Variants in LRRK1 observed in about 807,000 individuals in gnomAD.
LRRK1 encodes leucine-rich repeat serine/threonine-protein kinase 1.
LRRK1 carries 113 observed loss-of-function variants against 209.1 expected under a neutral mutation model. The ratio of observed to expected loss-of-function variants is 0.54; its 90% CI spans 0.46 to 0.63. The LOEUF (loss-of-function observed/expected upper bound fraction) is 0.63. LRRK1 is among the 30% of genes least tolerant of loss of function. The pLI, the probability that LRRK1 is intolerant of heterozygous loss-of-function variation, is 0.00. For missense variants in LRRK1, 2,284 were observed against 2,632.2 expected (o/e 0.87, Z 2.89); for synonymous variants, 1,144 against 1,099.7 (o/e 1.04, Z -0.80).
At chr15:101,040,504 TC>T (rs1011952563) in intron 20 of LRRK1, among the ~76,000 whole-genome samples, 2 of 152,158 alleles carry the variant, frequency 1.3e-5, no homozygotes, top group African/African-American at 4.8e-5. Flanking sequence ...CTATTATTTT[TC>T]TCTTTTATTT....
chr15:100,926,680 C>CTTTTTTTTTTTTTTTTTTTTTTTT (rs71151990), intron 2 of LRRK1, among the ~76,000 whole-genome samples: 25 of 81,840 alleles, frequency 3.1e-4, no homozygotes, highest in Non-Finnish European at 4.5e-4. Context: ...TTCTTTTTTT[C>CTTTTTTTTTTTTTTTTTTTTTTTT]TTTTTTTTTT....
At chr15:101,046,799 C>T (rs1333743168) in intron 21 of LRRK1, among the ~76,000 whole-genome samples, 3 of 152,218 alleles carry the variant, frequency 2.0e-5, no homozygotes, top group Non-Finnish European at 4.4e-5. Context: ...CGGGAGACCC[C>T]CCGCCCAAGG....
intron 29 of LRRK1, among the ~76,000 whole-genome samples, chr15:101,060,670 G>A (rs940031166): frequency 6.6e-6 from 1 of 152,274 alleles, no homozygotes; most frequent in African/African-American, 2.4e-5. Flanking sequence ...GCCACAGCCT[G>A]AGGGGAGACA....
chr15:101,061,742 G>A (rs1307079850), intron 30 of LRRK1, among the ~76,000 whole-genome samples: 1 of 152,192 alleles, frequency 6.6e-6, no homozygotes, highest in African/African-American at 2.4e-5. Context: ...TAGGCACAGG[G>A]GCTCACGCCT....
At chr15:101,060,781 C>T (rs1391635315) in intron 29 of LRRK1, among the ~76,000 whole-genome samples, 2 of 152,258 alleles carry the variant, frequency 1.3e-5, no homozygotes, top group Non-Finnish European at 2.9e-5. Flanking sequence ...TGAGTGCCCC[C>T]CCGCCCCAAC....
chr15:100,994,625 C>T (rs1485312296), intron 6 of LRRK1, among the ~76,000 whole-genome samples: 3 of 152,216 alleles, frequency 2.0e-5, no homozygotes, highest in African/African-American at 7.2e-5. Flanking sequence ...GGCAATGGTG[C>T]TTTTCCTCTA....
At chr15:100,941,444 G>GTGCCTGTCTGTGTGCGTCTGTGTC (rs1567191149) in intron 2 of LRRK1, among the ~76,000 whole-genome samples, 1 of 137,278 alleles carries the variant, frequency 7.3e-6, no homozygotes, top group Admixed American at 7.2e-5. Flanking sequence ...GTGTGTGTGT[G>GTGCCTGTCTGTGTGCGTCTGTGTC]TCTGTGTGTG....
At chr15:100,931,633 C>A (rs534943548) in intron 2 of LRRK1, among the ~76,000 whole-genome samples, 2 of 152,164 alleles carry the variant, frequency 1.3e-5, no homozygotes, top group Non-Finnish European at 2.9e-5. Context: ...CCTCGATCTG[C>A]TGGTGGGGCT....
intron 20 of LRRK1, among the ~76,000 whole-genome samples, 157 bp downstream of exon 20, chr15:101,029,389 G>A (rs939671776): frequency 2.0e-5 from 3 of 152,074 alleles, no homozygotes; most frequent in Non-Finnish European, 4.4e-5. Flanking sequence ...CCTGCCTGCC[G>A]GGCCTGGGTC....
At chr15:101,008,054 A>T (rs1054544818) in intron 6 of LRRK1, among the ~76,000 whole-genome samples, 3 of 148,450 alleles carry the variant, frequency 2.0e-5, no homozygotes, top group Non-Finnish European at 4.4e-5. Context: ...GAGGCAGGAG[A>T]ATCGCTTGAA....
intron 2 of LRRK1, among the ~76,000 whole-genome samples, chr15:100,942,344 G>A (rs1346650583): frequency 2.6e-5 from 4 of 152,116 alleles, no homozygotes; most frequent in African/African-American, 9.7e-5. Context: ...CAAAAAAAAT[G>A]GCCTGTTCTT....
chr15:101,039,276 A>G (rs1293992298), intron 20 of LRRK1, among the ~76,000 whole-genome samples: 4 of 152,154 alleles, frequency 2.6e-5, no homozygotes, highest in African/African-American at 9.7e-5. Flanking sequence ...GGTTTTTAAA[A>G]AGTTTCTCTC....
rs769097011 is a variant in LRRK1, at chr15:101,068,772, C to T, written c.5972C>T (p.Ala1991Val). The change falls in exon 34 of 34, where the codon GCC becomes GTC. Residue 1991 changes from alanine (A) to valine (V), a missense_variant. Coordinates refer to ENST00000388948, the MANE Select transcript of LRRK1 (RefSeq NM_024652.6). ...WCLAVWRGWG[A>V]REFDIFYQSY... ...CTGGCCGTCTGGAGGGGCTGGGGCG[C>T]CAGGGAGTTCGACATTTTCTACCAG... 7 of 1,613,508 alleles carry T rather than the reference C, an allele frequency of 4.3e-6. No individual in the cohort carries two copies. In the Admixed American group the frequency reaches 1.2e-4, roughly 27 times the overall value.
chr15:101,049,612 G>T, intron 22 of LRRK1, 32 bp from the exon 23 acceptor site: 1 of 1,607,456 alleles, frequency 6.2e-7, no homozygotes, highest in Admixed American at 1.7e-5. Context: ...GAGCCAGATC[G>T]CAATGGGCTC....
At chr15:100,948,200 G>C (rs2042579458) in intron 2 of LRRK1, among the ~76,000 whole-genome samples, 1 of 152,204 alleles carries the variant, frequency 6.6e-6, no homozygotes, top group Non-Finnish European at 1.5e-5. Context: ...TTCTGAGTCT[G>C]TCTTCCTCCA....
chr15:101,065,293 G>A, intron 31 of LRRK1, 59 bp from the exon 32 acceptor site: 1 of 1,569,692 alleles, frequency 6.4e-7, no homozygotes, highest in East Asian at 2.2e-5. Flanking sequence ...CCTACTCTGT[G>A]TCTCTCTTGG....
At chr15:101,011,843 A>C (rs1417288863) in intron 9 of LRRK1, among the ~76,000 whole-genome samples, 165 bp from the exon 10 acceptor site, 1 of 152,192 alleles carries the variant, frequency 6.6e-6, no homozygotes, top group Non-Finnish European at 1.5e-5. Flanking sequence ...CGGGAGGACA[A>C]GGACAGTGAG....
At chr15:100,972,048 A>G (rs1027189226) in intron 2 of LRRK1, among the ~76,000 whole-genome samples, 6 of 151,510 alleles carry the variant, frequency 4.0e-5, no homozygotes, top group Admixed American at 1.3e-4. Context: ...CTGCTACCTC[A>G]GGCTCCTGGG....
intron 6 of LRRK1, among the ~76,000 whole-genome samples, chr15:101,000,034 C>A (rs2032613203): frequency 6.6e-6 from 1 of 152,216 alleles, no homozygotes; most frequent in African/African-American, 2.4e-5. Flanking sequence ...TATTTTTTAA[C>A]AGACATGCTA....
Sources: gnomAD v4.1 joint callset for allele counts (sites outside exome capture counted in the v4.1 genomes callset) on GRCh38, gnomAD v4.1.1 for gene constraint, MANE v1.5 for transcripts, NCBI Gene and HGNC (gene_info 2026-07-23, HGNC 2026-07-21) for gene names.